ASIP: variants seen among roughly 807,000 people sequenced by gnomAD.
ASIP encodes agouti-signaling protein.
A neutral mutation model predicts 10.3 loss-of-function variants in ASIP; 11 were observed. The ratio of observed to expected loss-of-function variants is 1.07; its 90% CI spans 0.68 to 1.78. The LOEUF (loss-of-function observed/expected upper bound fraction) is 1.78. Among genes scored for constraint, ASIP ranks in the 40% most tolerant of loss-of-function variants. The probability of loss-of-function intolerance (pLI) is 0.00; values close to 1 mark genes in which losing one functional copy is unlikely to be tolerated. For missense variants in ASIP, 180 were observed against 169.2 expected, an observed-to-expected ratio of 1.06 and a Z score of -0.35; for synonymous variants, 70 against 70.8, an observed-to-expected ratio of 0.99 and a Z score of 0.06.
chr20:34,240,273 C>G (rs1020659985), upstream of ASIP, among the ~76,000 whole-genome samples: 21 of 152,142 alleles, frequency 1.4e-4, no homozygotes, highest in Non-Finnish European at 8.8e-5. Context: ...GGGGTTACAG[C>G]AGGCCATTTT....
intron 1 of ASIP, chr20:34,216,034 G>A (rs2035006027): frequency 7.8e-6 from 5 of 639,506 alleles, no homozygotes; most frequent in South Asian, 1.6e-5. Context: ...GGAGCCGAGC[G>A]GCGCAGCTCG....
chr20:34,193,510 C>G (rs890269256), upstream of ASIP, among the ~76,000 whole-genome samples: 1 of 151,302 alleles, frequency 6.6e-6, no homozygotes, highest in Non-Finnish European at 1.5e-5. Context: ...AACATTTTTT[C>G]CTTTATTTCT....
At chr20:34,216,815 T>G (rs2035012043) in intron 1 of ASIP, among the ~76,000 whole-genome samples, 1 of 152,244 alleles carries the variant, frequency 6.6e-6, no homozygotes, top group African/African-American at 2.4e-5. Flanking sequence ...AATCTTGAAC[T>G]TGTGAGTATA....
At chr20:34,256,798 T>TA (rs1324312047) in intron 1 of ASIP, among the ~76,000 whole-genome samples, 2 of 152,172 alleles carry the variant, frequency 1.3e-5, no homozygotes, top group African/African-American at 4.8e-5. Flanking sequence ...GTTTTTGAGA[T>TA]AGAGTCTCAC....
rs143900165 is a variant in ASIP, at chr20:34,253,535, C to A, written c.-10-6830C>A. Among the ~76,000 whole-genome samples, 5 of 151,940 alleles carry A rather than the reference C, an allele frequency of 3.3e-5. No homozygotes were observed. The East Asian group carries it at 9.7e-4, about 29-fold the overall frequency. ...TTGCCCAGGCCGGAGTGCAATGGCA[C>A]AATCTCAGCTCACTGCAACCTCCGC... On this transcript the variant is annotated intron_variant, in intron 1 of 3. Coordinates refer to ENST00000374954, the MANE Select transcript of ASIP (RefSeq NM_001672.3).
At chr20:34,258,470 T>C (rs1396526948) in intron 1 of ASIP, among the ~76,000 whole-genome samples, 1 of 150,234 alleles carries the variant, frequency 6.7e-6, no homozygotes, top group Non-Finnish European at 1.5e-5. Flanking sequence ...TGGGCTTTGA[T>C]GACCATTAAC....
intron 1 of ASIP, among the ~76,000 whole-genome samples, chr20:34,198,710 T>C (rs1033813973): frequency 2.6e-5 from 4 of 152,060 alleles, no homozygotes; most frequent in African/African-American, 9.7e-5. Flanking sequence ...GGTCTCTAAC[T>C]TCAAGTGAAC....
chr20:34,219,708 A>G (rs1056971925), intron 1 of ASIP, among the ~76,000 whole-genome samples: 3 of 152,236 alleles, frequency 2.0e-5, no homozygotes, highest in African/African-American at 7.2e-5. Flanking sequence ...GTGGGTGGTG[A>G]GAGGAACAGA....
chr20:34,236,654 C>T (rs1452072169), upstream of ASIP, among the ~76,000 whole-genome samples: 1 of 152,146 alleles, frequency 6.6e-6, no homozygotes, highest in Non-Finnish European at 1.5e-5. Context: ...AGTTTGAAAC[C>T]AGCCTAGGCA....
At chr20:34,235,204 G>A (rs918785493) in intron 1 of ASIP, among the ~76,000 whole-genome samples, 6 of 152,210 alleles carry the variant, frequency 3.9e-5, no homozygotes, top group African/African-American at 1.4e-4. Flanking sequence ...CACTTTGAGA[G>A]GCCGAGGTGG....
rs1184713093 is a variant in ASIP, at chr20:34,201,024, C to T, written c.-11+6264C>T. Among the ~76,000 whole-genome samples, 8 of 82,530 alleles carry T rather than the reference C, an allele frequency of 9.7e-5. 1 individual carries two copies. The highest frequency in any genetic ancestry group is 7.9e-4 in the African/African-American group (8 of 10,092). 54.1% of individuals were successfully genotyped at this position (82,530 alleles called of 152,430 possible). A position where few individuals can be genotyped will look rare whatever the true frequency, so the allele number is the denominator to read the frequency against. ...TCCTTCCTTCCTTCCTTCCTTCTTT[C>T]TTTCTTTCTTTCTTTCTTTCTTTCT... On this transcript the variant is annotated intron_variant, in intron 1 of 3. Transcript: ENST00000568305.
At chr20:34,259,587 A>T (rs1472958420) in intron 1 of ASIP, among the ~76,000 whole-genome samples, 3 of 152,114 alleles carry the variant, frequency 2.0e-5, no homozygotes, top group African/African-American at 7.2e-5. Flanking sequence ...CTCTACAAAA[A>T]ATACAAAAAT....
chr20:34,265,198 G>C (rs2035763428), intron 3 of ASIP, among the ~76,000 whole-genome samples: 1 of 152,112 alleles, frequency 6.6e-6, no homozygotes. Context: ...CCAACAGTAG[G>C]CTATTAGTAG....
At chr20:34,202,801 CTTTTTTTTTTT>C (rs34156089) in intron 1 of ASIP, among the ~76,000 whole-genome samples, 5 of 57,288 alleles carry the variant, frequency 8.7e-5, no homozygotes, top group Admixed American at 1.9e-4. Flanking sequence ...CTTGGCTATT[CTTTTTTTTTTT>C]TTTTTTTTTT....
intron 3 of ASIP, among the ~76,000 whole-genome samples, chr20:34,263,287 G>A (rs541967591): frequency 2.0e-5 from 3 of 152,182 alleles, no homozygotes; most frequent in African/African-American, 7.2e-5. Flanking sequence ...ATCTTAGGCC[G>A]GATGCGGTGG....
At chr20:34,246,566 G>T in intron 1 of ASIP, 1 of 814,794 alleles carries the variant, frequency 1.2e-6, no homozygotes. Flanking sequence ...CCGGGCTCAA[G>T]CAATCCTCCC....
intron 3 of ASIP, among the ~76,000 whole-genome samples, chr20:34,267,643 T>C (rs1341404773): frequency 1.3e-5 from 2 of 152,066 alleles, no homozygotes; most frequent in African/African-American, 4.8e-5. Flanking sequence ...ACAATTCTCC[T>C]GCCTCAGCCT....
intron 1 of ASIP, among the ~76,000 whole-genome samples, chr20:34,226,288 G>T (rs1267648659): frequency 6.6e-6 from 1 of 152,138 alleles, no homozygotes; most frequent in Non-Finnish European, 1.5e-5. Flanking sequence ...AAAAAGAAAA[G>T]CTATATGACA....
upstream of ASIP, among the ~76,000 whole-genome samples, chr20:34,240,357 CTAGACTCTGATTTAGTTGGG>C (rs1423750051): frequency 6.6e-6 from 1 of 152,140 alleles, no homozygotes; most frequent in African/African-American, 2.4e-5. Flanking sequence ...CTCCTGGTCC[CTAGACTCTGATTTAGTTGGG>C]TATGACAAGA....
Sources: gnomAD v4.1 joint callset for allele counts (sites outside exome capture counted in the v4.1 genomes callset) on GRCh38, gnomAD v4.1.1 for gene constraint, MANE v1.5 for transcripts, NCBI Gene and HGNC (gene_info 2026-07-23, HGNC 2026-07-21) for gene names.